RNF157: variants seen among roughly 807,000 people sequenced by gnomAD.
RNF157 encodes the protein E3 ubiquitin ligase RNF157.
In RNF157, 55 loss-of-function variants were observed where a neutral mutation model predicts 88.3. The ratio of observed to expected loss-of-function variants is 0.62; its 90% CI spans 0.50 to 0.78. The LOEUF (loss-of-function observed/expected upper bound fraction) is 0.78. Ranked by LOEUF, RNF157 falls within the 30% of genes least tolerant of loss-of-function variation. The pLI is 0.00. For missense variants in RNF157, 788 were observed against 860.8 expected, an observed-to-expected ratio of 0.92 and a Z score of 1.06; for synonymous variants, 334 against 341.2, an observed-to-expected ratio of 0.98 and a Z score of 0.23.
chr17:76,143,980 C>T lies in RNF157; in HGVS notation c.*1255G>A, dbSNP rs2068549280. 1 of 152,228 alleles carries T rather than the reference C, an allele frequency of 6.6e-6. No homozygotes were observed. Among genetic ancestry groups the T allele is most frequent in the Admixed American group, 6.5e-5 (1 of 15,276 alleles). The allele number at this position is 152,228 out of a possible 1,614,324, so 9.4% of individuals were successfully genotyped here. A position where few individuals can be genotyped will look rare whatever the true frequency, so the allele number is the denominator to read the frequency against. On this transcript the variant is annotated 3_prime_UTR_variant, in exon 19 of 19. Coordinates refer to ENST00000269391, the MANE Select transcript of RNF157 (RefSeq NM_052916.3). Reference sequence around the variant, plus strand: ...CCAGCACACTGCTGCTGGCCACATGCTGCTGCCTGAACTTAGCTCAAGGCT... The same window carrying T: ...CCAGCACACTGCTGCTGGCCACATGTTGCTGCCTGAACTTAGCTCAAGGCT...
intron 3 of RNF157, among the ~76,000 whole-genome samples, chr17:76,173,474 G>A (rs888711415): frequency 5.3e-5 from 8 of 152,250 alleles, no homozygotes; most frequent in Admixed American, 3.3e-4. Flanking sequence ...CTAGGCAAGC[G>A]AAAGTTTTTC....
chr17:76,171,529 G>A (rs531203656), intron 3 of RNF157, among the ~76,000 whole-genome samples: 3 of 152,076 alleles, frequency 2.0e-5, no homozygotes, highest in Non-Finnish European at 2.9e-5. Flanking sequence ...TTACTTAATG[G>A]GGTTTTCAGA....
At chr17:76,226,051 G>T in intron 1 of RNF157, 1 of 1,608,800 alleles carries the variant, frequency 6.2e-7, no homozygotes, top group South Asian at 1.1e-5. Context: ...CAGACCCACA[G>T]AGAACACCTG....
rs141692913 is a variant in RNF157 at position 76,173,779 on chromosome 17, G to A, written c.219C>T (p.Ala73=). The change falls in exon 3 of 19, where the codon GCC becomes GCT. Residue 73 remains alanine, a synonymous_variant. Transcript: ENST00000269391. ...TCACGGGTTCTTGGGGAGGTGGGGC[G>A]GCGTAAGGAAACTGTGTCAGAAACA... ...LGNRPVVFPY[A]APPPQEPVKT... The A allele has an allele frequency of 4.5e-5, 73 of 1,609,220 alleles. No individual in the cohort carries two copies. The East Asian group carries it at 1.4e-3, about 32-fold the overall frequency.
chr17:76,147,152 CTA>C, intron 18 of RNF157: 1 of 984,928 alleles, frequency 1.0e-6, no homozygotes, highest in Non-Finnish European at 1.2e-6. Flanking sequence ...AATGGTGGCA[CTA>C]TGTGTCTAAG....
chr17:76,199,801 C>T (rs1055917311), intron 2 of RNF157, among the ~76,000 whole-genome samples: 7 of 152,050 alleles, frequency 4.6e-5, no homozygotes, highest in African/African-American at 1.4e-4. Context: ...AGAAATCCAA[C>T]TCCATAAAAC....
chr17:76,167,249 T>TTA (rs1226853241), intron 4 of RNF157, 123 bp from the exon 5 acceptor site: 6 of 757,124 alleles, frequency 7.9e-6, no homozygotes, highest in Non-Finnish European at 1.1e-5. Flanking sequence ...GAAAGGGTCC[T>TTA]TTATAATCCA....
At position 76,144,619 on chromosome 17, in the gene RNF157, T is replaced by G. The variant is rs2068558552; in HGVS notation, c.*616A>C. The stretch of plus-strand genomic sequence containing the variant: ...ACCGCGCCCGGCCAAGAGCTCCTTC[T>G]TAACCGCACAGGCATGTGAGGCCCA... On this transcript the variant is annotated 3_prime_UTR_variant, in exon 19 of 19. Transcript: ENST00000269391. 6.6e-6 allele frequency: 1 copy of G among 152,336 alleles called. No individual in the cohort carries two copies. Among genetic ancestry groups the G allele is most frequent in the South Asian group, 2.1e-4 (1 of 4,836 alleles). 9.4% of individuals were successfully genotyped at this position (152,336 alleles called of 1,614,324 possible). A position where few individuals can be genotyped will look rare whatever the true frequency, so the allele number is the denominator to read the frequency against.
intron 2 of RNF157, among the ~76,000 whole-genome samples, chr17:76,201,592 T>C (rs2071747671): frequency 6.6e-6 from 1 of 152,170 alleles, no homozygotes; most frequent in Admixed American, 6.6e-5. Flanking sequence ...AGAGTTACCA[T>C]TGTTAACAGT....
chr17:76,188,756 A>T (rs1172155718), intron 2 of RNF157, among the ~76,000 whole-genome samples: 5 of 152,264 alleles, frequency 3.3e-5, no homozygotes, highest in African/African-American at 1.2e-4. Flanking sequence ...TCAAAAGTTC[A>T]GCAAGAGGAT....
rs1278246176 is a variant in RNF157 at position 76,240,098 on chromosome 17, A to G, written c.88+55T>C. ...GCCCCCTCAGGCCGTCCCGACCCAGACCCCTGCCCCTGCCCCTCTCCCTCC... is the reference window on the plus strand; with the variant it reads ...GCCCCCTCAGGCCGTCCCGACCCAGGCCCCTGCCCCTGCCCCTCTCCCTCC... On this transcript the variant is annotated intron_variant, in intron 1 of 18. Coordinates refer to ENST00000269391, the MANE Select transcript of RNF157 (RefSeq NM_052916.3). This position sits in a 1 kb window ranked among gnomAD's most constrained non-coding sequence, Gnocchi z 4.4. 9.0e-7 allele frequency: 1 copy of G among 1,109,546 alleles called. No homozygotes were observed. 68.7% of individuals were successfully genotyped at this position (1,109,546 alleles called of 1,614,324 possible).
At position 76,158,448 on chromosome 17, in the gene RNF157, C is replaced by T. The variant is rs760661222; in HGVS notation, c.1358G>A (p.Cys453Tyr). The T allele has an allele frequency of 1.9e-6, 3 of 1,613,960 alleles. No individual in the cohort carries two copies. In the South Asian group the frequency reaches 3.3e-5, roughly 18 times the overall value. Residue 453 changes from cysteine to tyrosine, a missense_variant, in exon 13 of 19, where the codon TGC (cysteine) becomes TAC (tyrosine). Physicochemically the swap from Cys to Tyr is radical, Grantham distance 194. Coordinates refer to ENST00000269391, the MANE Select transcript of RNF157 (RefSeq NM_052916.3). ...VLHEEEDEHS[C>Y]SESETQLSQR... ...AGAGAGCTGTGTCTCCGACTCGCTG[C>T]AGGAATGCTCATCTTCCTCTTCATG...
intron 12 of RNF157, 114 bp downstream of exon 12, chr17:76,159,221 C>A (rs770534214): frequency 1.2e-6 from 1 of 865,488 alleles, no homozygotes; most frequent in Admixed American, 2.2e-5. Flanking sequence ...GCTCTGGGAA[C>A]AGCCCAGAGG....
At chr17:76,168,318 T>C (rs2068960252) in intron 3 of RNF157, among the ~76,000 whole-genome samples, 1 of 152,224 alleles carries the variant, frequency 6.6e-6, no homozygotes, top group Non-Finnish European at 1.5e-5. Flanking sequence ...TGCATCATGA[T>C]TTTATTATAA....
rs1260515264 is a variant in RNF157, at chr17:76,195,123, G to C, written c.207+17241C>G. 6.6e-6 allele frequency among the ~76,000 whole-genome samples: 1 copy of C among 152,178 alleles called. No individual in the cohort carries two copies. Among genetic ancestry groups the C allele is most frequent in the East Asian group, 1.9e-4 (1 of 5,198 alleles). On this transcript the variant is annotated intron_variant, in intron 2 of 18. Transcript: ENST00000269391. The surrounding 1 kb of genome is among the most constrained non-coding windows in gnomAD (Gnocchi z 4.4). ...AAGTGGAAAGCGATTCAGGAGAACA[G>C]AAAGGGCCGAAATCCCAAATGGCAG...
intron 2 of RNF157, among the ~76,000 whole-genome samples, chr17:76,203,906 T>G (rs981684637): frequency 6.6e-6 from 1 of 151,866 alleles, no homozygotes; most frequent in African/African-American, 2.4e-5. Flanking sequence ...TAGCTGGGAC[T>G]ACAGGCGCCC....
intron 7 of RNF157, among the ~76,000 whole-genome samples, chr17:76,165,270 T>G (rs2068903825): frequency 6.6e-6 from 1 of 152,168 alleles, no homozygotes; most frequent in Non-Finnish European, 1.5e-5. Flanking sequence ...AATTATCCAG[T>G]CTAGCCTTTC....
intron 2 of RNF157, among the ~76,000 whole-genome samples, chr17:76,186,976 TA>T (rs981764157): frequency 1.7e-4 from 25 of 150,374 alleles, no homozygotes; most frequent in Non-Finnish European, 3.2e-4. Flanking sequence ...AATAAATAAA[TA>T]AATAAAATCT....
chr17:76,145,129 G>T lies in RNF157; in HGVS notation c.*106C>A. 2 of 686,374 alleles carry T rather than the reference G, an allele frequency of 2.9e-6. No individual in the cohort carries two copies. Among genetic ancestry groups the T allele is most frequent in the Non-Finnish European group, 5.1e-6 (2 of 394,710 alleles). 42.5% of individuals were successfully genotyped at this position (686,374 alleles called of 1,614,324 possible). A position where few individuals can be genotyped will look rare whatever the true frequency, so the allele number is the denominator to read the frequency against. On this transcript the variant is annotated 3_prime_UTR_variant, in exon 19 of 19. Coordinates refer to ENST00000269391, the MANE Select transcript of RNF157 (RefSeq NM_052916.3). Reference sequence around the variant, plus strand: ...CAGGTTGTAACAGCTGTCACAGGAGGGTAAAAAGTCTCCAGCATCTTGCTG... The same window carrying T: ...CAGGTTGTAACAGCTGTCACAGGAGTGTAAAAAGTCTCCAGCATCTTGCTG...
Sources: gnomAD v4.1 joint callset for allele counts (sites outside exome capture counted in the v4.1 genomes callset) on GRCh38, gnomAD v4.1.1 for gene constraint, Gnocchi (gnomAD v3.1) non-coding constraint, MANE v1.5 for transcripts, NCBI Gene and HGNC (gene_info 2026-07-23, HGNC 2026-07-21) for gene names.